SMG5: variants seen among roughly 807,000 people sequenced by gnomAD.
The protein encoded by SMG5 is SMG5 nonsense mediated mRNA decay factor, also known as nonsense-mediated mRNA decay factor SMG5.
Under a neutral mutation model 122.9 loss-of-function variants are expected in SMG5, and 53 were observed. The observed-to-expected ratio is 0.43, with a 90% CI of 0.35 to 0.54. The LOEUF is 0.54. SMG5 is among the 20% of genes least tolerant of loss of function. The probability of loss-of-function intolerance (pLI) is 0.01; values close to 1 mark genes in which losing one functional copy is unlikely to be tolerated. For missense variants in SMG5, 1,153 were observed against 1,285.6 expected (o/e 0.90, Z 1.58); for synonymous variants, 477 against 490.2 (o/e 0.97, Z 0.35).
intron 16 of SMG5, 26 bp from the exon 17 acceptor site, chr1:156,253,534 G>C (rs757692066): frequency 6.2e-7 from 1 of 1,612,254 alleles, no homozygotes; most frequent in African/African-American, 1.3e-5. Flanking sequence ...TGAGCTGTAA[G>C]GAGTTGGGGT....
At chr1:156,268,790 C>G (rs1487139203) in intron 7 of SMG5, among the ~76,000 whole-genome samples, 1 of 152,154 alleles carries the variant, frequency 6.6e-6, no homozygotes, top group African/African-American at 2.4e-5. Flanking sequence ...TATTTACATG[C>G]ACTATTTCAG....
intron 4 of SMG5, among the ~76,000 whole-genome samples, chr1:156,276,057 C>T (rs1662669594): frequency 6.6e-6 from 1 of 151,906 alleles, no homozygotes; most frequent in Non-Finnish European, 1.5e-5. Context: ...CTTAAGCAAT[C>T]CTCCCGCCTT....
At chr1:156,278,766 G>A (rs1662801286) in intron 2 of SMG5, among the ~76,000 whole-genome samples, 170 bp downstream of exon 2, 1 of 152,136 alleles carries the variant, frequency 6.6e-6, no homozygotes, top group Admixed American at 6.5e-5. Flanking sequence ...TCTGCAGATG[G>A]AGTGAGGGAT....
rs775844963 is a variant in SMG5, at chr1:156,251,477, C to T, written c.2754G>A (p.Arg918=). 2.5e-6 allele frequency: 4 copies of T among 1,613,916 alleles called. No individual in the cohort carries two copies. The highest frequency in any genetic ancestry group is 1.3e-5 in the African/African-American group (1 of 75,042). ...CCACCTCTTTCTGGCAGCGAATGTA[C>T]CTGCAGAGGAGATGTGCGAGTGGAG... ...YLEAEFKKGN[R]YIRCQKEVGK... The change falls in exon 20 of 22, where the codon AGG becomes AGA. Residue 918 remains arginine, a splice_region_variant and synonymous_variant. Coordinates refer to ENST00000361813, the MANE Select transcript of SMG5 (RefSeq NM_015327.3).
Position 156,266,071 on chromosome 1 carries a change from C to T in SMG5, c.1565G>A (p.Arg522Gln), listed in dbSNP as rs553322799. 4.9e-5 allele frequency: 79 copies of T among 1,614,172 alleles called. No individual in the cohort carries two copies. The highest frequency in any genetic ancestry group is 3.5e-4 in the South Asian group (32 of 91,090). ...TTCCTCCATATCTTCCAAGTCTGAT[C>T]GGGACTCCTGGCTATTCATTTCCGA... Reference protein sequence around the residue: ...TDSEMNSQESRSDLEDMEEEE... With the variant: ...TDSEMNSQESQSDLEDMEEEE... Residue 522 changes from arginine (R) to glutamine (Q), a missense_variant, in exon 12 of 22, where the codon CGA becomes CAA. Coordinates refer to ENST00000361813, the MANE Select transcript of SMG5 (RefSeq NM_015327.3).
chr1:156,291,420 C>T, the SMG5 span: 30 of 1,613,994 alleles, frequency 1.9e-5, no homozygotes, highest in South Asian at 3.0e-4. Flanking sequence ...GTGGGCCGCT[C>T]CTTCCGAGGC....
rs769675187 is a variant in SMG5 at position 156,274,701 on chromosome 1, G to C, written c.455-15C>G. The stretch of plus-strand genomic sequence containing the variant: ...CTTCTTGCATCCTATGAGACAAAGA[G>C]AAAGAGATTTGTAGGCCCATTCTTC... On this transcript the variant is annotated splice_polypyrimidine_tract_variant and intron_variant, in intron 4 of 21. Coordinates refer to ENST00000361813, the MANE Select transcript of SMG5 (RefSeq NM_015327.3). 2.0e-5 allele frequency: 32 copies of C among 1,609,578 alleles called. No homozygotes were observed. In the East Asian group the frequency reaches 2.5e-4, roughly 12 times the overall value.
chr1:156,270,683 G>C (rs1157891551), intron 7 of SMG5, among the ~76,000 whole-genome samples: 1 of 152,188 alleles, frequency 6.6e-6, no homozygotes, highest in Admixed American at 6.5e-5. Flanking sequence ...ACAAGTAAAG[G>C]GGGGTCATTC....
rs776394532 is a variant in SMG5 at position 156,251,482 on chromosome 1, AGAG to A, written c.2754-8_2754-6del. The A allele has an allele frequency of 8.6e-5, 138 of 1,613,814 alleles. 1 individual carries two copies. Among genetic ancestry groups the A allele is most frequent in the South Asian group, 8.3e-4 (76 of 91,068 alleles). ...TCTTTCTGGCAGCGAATGTACCTGC[AGAG>A]GAGATGTGCGAGTGGAGGTCAGGAG... On this transcript the variant is annotated splice_region_variant and splice_polypyrimidine_tract_variant and intron_variant, in intron 19 of 21. Transcript: ENST00000361813.
intron 16 of SMG5, among the ~76,000 whole-genome samples, chr1:156,254,090 C>T (rs181617547): frequency 1.9e-4 from 29 of 151,884 alleles, no homozygotes; most frequent in African/African-American, 5.6e-4. Context: ...CCCTTTCTCT[C>T]AGCCCCAGAA....
At chr1:156,260,956 G>A (rs1389486962) in intron 14 of SMG5, among the ~76,000 whole-genome samples, 2 of 152,176 alleles carry the variant, frequency 1.3e-5, no homozygotes, top group African/African-American at 2.4e-5. Context: ...AGGAGCAGGT[G>A]GAGTTTTCCA....
intron 3 of SMG5, 32 bp from the exon 4 acceptor site, chr1:156,277,273 A>C: frequency 6.2e-7 from 1 of 1,604,312 alleles, no homozygotes; most frequent in Non-Finnish European, 8.5e-7. Flanking sequence ...GGGCTGGTTA[A>C]GCAATAAACT....
At chr1:156,257,129 G>A (rs1395531435) in intron 16 of SMG5, among the ~76,000 whole-genome samples, 1 of 152,060 alleles carries the variant, frequency 6.6e-6, no homozygotes, top group Non-Finnish European at 1.5e-5. Flanking sequence ...GTTTCACCAT[G>A]TTGGCCAGGC....
At chr1:156,290,654 C>A in the SMG5 span, 1 of 151,886 alleles carries the variant, frequency 6.6e-6, no homozygotes, top group Non-Finnish European at 1.5e-5. Flanking sequence ...CGGGTGAAAC[C>A]CCATCTCTAC....
At position 156,259,068 on chromosome 1, in the gene SMG5, G is replaced by C. The variant is rs935311075; in HGVS notation, c.2379C>G (p.Phe793Leu). The part of the protein sequence containing the change: ...ILQFNPEVGI[F>L]VSIAQSEQES... ...CCTGCTCAGACTGGGCAATGCTGACGAAGATGCCAACCTCTGGGTTGAACT... is the reference window on the plus strand; with the variant it reads ...CCTGCTCAGACTGGGCAATGCTGACCAAGATGCCAACCTCTGGGTTGAACT... Residue 793 changes from phenylalanine (F) to leucine (L), a missense_variant, in exon 16 of 22, where the codon TTC (phenylalanine) becomes TTG (leucine). Physicochemically the swap from Phe to Leu is conservative, Grantham distance 22. Transcript: ENST00000361813. The C allele has an allele frequency of 3.7e-6, 6 of 1,613,084 alleles. No individual in the cohort carries two copies. Among genetic ancestry groups the C allele is most frequent in the Non-Finnish European group, 5.1e-6 (6 of 1,179,618 alleles).
chr1:156,277,196 G>C lies in SMG5; in HGVS notation c.343C>G (p.Leu115Val), dbSNP rs137946100. 3 of 1,613,904 alleles carry C rather than the reference G, an allele frequency of 1.9e-6. No homozygotes were observed. In the East Asian group the frequency reaches 6.7e-5, roughly 36 times the overall value. The change falls in exon 4 of 22, where the codon CTG (leucine) becomes GTG (valine). Residue 115 changes from leucine to valine, a missense_variant. Physicochemically the swap from Leu to Val is conservative, Grantham distance 32. Transcript: ENST00000361813. ...TGGTAGAAGCCAATACCAGCAACCAGGTGCGTCCTGTAGGCACATTCCAAA... is the reference window on the plus strand; with the variant it reads ...TGGTAGAAGCCAATACCAGCAACCACGTGCGTCCTGTAGGCACATTCCAAA... ...STLECAYRTH[L>V]VAGIGFYQHL...
At chr1:156,269,967 G>A (rs980751192) in intron 7 of SMG5, among the ~76,000 whole-genome samples, 9 of 152,214 alleles carry the variant, frequency 5.9e-5, no homozygotes, top group African/African-American at 2.2e-4. Flanking sequence ...CTGAACCCAG[G>A]AGGTGGAGGT....
chr1:156,281,437 CCT>C (rs1662934357), intron 1 of SMG5, among the ~76,000 whole-genome samples: 2 of 152,240 alleles, frequency 1.3e-5, no homozygotes, highest in Admixed American at 1.3e-4. Flanking sequence ...CCAGCCAACT[CCT>C]CACCCGCCTG....
chr1:156,283,574 G>T (rs1206399280), upstream of SMG5, among the ~76,000 whole-genome samples: 1 of 152,224 alleles, frequency 6.6e-6, no homozygotes, highest in Non-Finnish European at 1.5e-5. Flanking sequence ...AGCTAGGAGC[G>T]TGACTGCTTT....
Sources: gnomAD v4.1 joint callset for allele counts (sites outside exome capture counted in the v4.1 genomes callset) on GRCh38, gnomAD v4.1.1 for gene constraint, MANE v1.5 for transcripts, NCBI Gene and HGNC (gene_info 2026-07-23, HGNC 2026-07-21) for gene names.